The following PALM2AKAP2 variants were observed in gnomAD, a reference collection of about 807,000 sequenced individuals.
PALM2AKAP2 encodes the protein PALM2 and AKAP2 fusion, also known as PALM2-AKAP2 fusion protein.
Under a neutral mutation model 71.5 loss-of-function variants are expected in PALM2AKAP2, and 37 were observed. The ratio of observed to expected loss-of-function variants is 0.52; its 90% CI spans 0.40 to 0.68. The LOEUF (loss-of-function observed/expected upper bound fraction) is 0.68, where lower values mean the gene tolerates loss of function less well. Among genes scored for constraint, PALM2AKAP2 ranks in the 30% least tolerant of loss-of-function variants. The pLI is 0.00. For missense variants in PALM2AKAP2, 1,224 were observed against 1,191.8 expected (o/e 1.03, Z -0.40); for synonymous variants, 468 against 478.8 (o/e 0.98, Z 0.29).
intron 6 of PALM2AKAP2, among the ~76,000 whole-genome samples, chr9:109,980,567 C>T (rs965877893): frequency 1.6e-4 from 24 of 152,184 alleles, no homozygotes; most frequent in African/African-American, 5.1e-4. Context: ...CCTGACTTCT[C>T]GCTAGAAGGA....
intron 1 of PALM2AKAP2, among the ~76,000 whole-genome samples, chr9:110,093,879 T>C (rs1040387450): frequency 2.0e-5 from 3 of 152,250 alleles, no homozygotes; most frequent in Non-Finnish European, 4.4e-5. Flanking sequence ...CTCTCTGGCT[T>C]AAGAATTCCT....
At chr9:109,984,696 C>CTT (rs35425431) in intron 6 of PALM2AKAP2, among the ~76,000 whole-genome samples, 7 of 136,692 alleles carry the variant, frequency 5.1e-5, no homozygotes, top group African/African-American at 1.6e-4. Flanking sequence ...AGCTCTATAA[C>CTT]TTTTTTTTTT....
intron 1 of PALM2AKAP2, among the ~76,000 whole-genome samples, chr9:109,784,572 A>G (rs1370457614): frequency 6.6e-6 from 1 of 152,268 alleles, no homozygotes; most frequent in Admixed American, 6.5e-5. Flanking sequence ...TGAACACTGA[A>G]ATGCTTTTCA....
chr9:109,858,446 G>C (rs1250963896), intron 1 of PALM2AKAP2, among the ~76,000 whole-genome samples: 2 of 152,130 alleles, frequency 1.3e-5, no homozygotes, highest in African/African-American at 4.8e-5. Context: ...AGGAAACTTA[G>C]AGCTAAGCTG....
intron 3 of PALM2AKAP2, among the ~76,000 whole-genome samples, chr9:109,895,455 A>T (rs1830177917): frequency 6.6e-6 from 1 of 152,232 alleles, no homozygotes; most frequent in South Asian, 2.1e-4. Flanking sequence ...CTCTCGGGAC[A>T]TCCTAAGAAT....
chr9:110,168,491 C>T (rs553092735), exon 4 of PALM2AKAP2: 70 of 1,613,904 alleles, frequency 4.3e-5, no homozygotes, highest in Middle Eastern at 1.6e-4. Context: ...AAGAAGACAA[C>T]GAATAAACTT....
At chr9:109,915,301 TA>T (rs1309224592) in intron 3 of PALM2AKAP2, among the ~76,000 whole-genome samples, 1 of 152,140 alleles carries the variant, frequency 6.6e-6, no homozygotes, top group Admixed American at 6.5e-5. Context: ...AGGTGTGAAA[TA>T]ATCGTTGGGT....
intron 1 of PALM2AKAP2, among the ~76,000 whole-genome samples, chr9:109,730,414 G>C (rs927146259): frequency 2.0e-5 from 3 of 152,126 alleles, no homozygotes; most frequent in Admixed American, 1.3e-4. Context: ...AAGTTGGCAG[G>C]GTCCTCCGTG....
At position 109,992,378 on chromosome 9, in the gene PALM2AKAP2, G is replaced by GAGGT. The variant is rs536803879; in HGVS notation, c.497-23574_497-23571dup. On this transcript the variant is annotated intron_variant, in intron 6 of 9. Coordinates refer to the PALM2AKAP2 transcript ENST00000302798. Reference sequence around the variant, plus strand: ...CTATTTCCACATAAGGTCATATTTTGAGGTACTAGGGGTTAAGATTTCAAA... The same window carrying GAGGT: ...CTATTTCCACATAAGGTCATATTTTGAGGTAGGTACTAGGGGTTAAGATTTCAAA... 2.6e-5 allele frequency among the ~76,000 whole-genome samples: 4 copies of GAGGT among 152,254 alleles called. No individual in the cohort carries two copies. The East Asian group carries it at 5.8e-4, about 22-fold the overall frequency.
chr9:110,125,439 C>A, intron 1 of PALM2AKAP2: 1 of 929,926 alleles, frequency 1.1e-6, no homozygotes, highest in Non-Finnish European at 1.3e-6. Context: ...GTGTGAATGG[C>A]CTTTTAGGGA....
intron 1 of PALM2AKAP2, among the ~76,000 whole-genome samples, chr9:109,799,433 G>T (rs1037193600): frequency 6.6e-6 from 1 of 152,194 alleles, no homozygotes; most frequent in Non-Finnish European, 1.5e-5. Flanking sequence ...GCCAGTGCTG[G>T]TACATTCCTC....
chr9:109,838,989 G>A (rs1217711896), intron 1 of PALM2AKAP2, among the ~76,000 whole-genome samples: 2 of 152,132 alleles, frequency 1.3e-5, no homozygotes, highest in Non-Finnish European at 2.9e-5. Flanking sequence ...CTTCTGAAAC[G>A]ATTCCAATGA....
At chr9:110,145,169 G>C (rs1478516135) in intron 2 of PALM2AKAP2, among the ~76,000 whole-genome samples, 1 of 152,038 alleles carries the variant, frequency 6.6e-6, no homozygotes, top group Non-Finnish European at 1.5e-5. Flanking sequence ...CGGTGGCCTG[G>C]GTGTATAAAT....
intron 3 of PALM2AKAP2, among the ~76,000 whole-genome samples, chr9:109,905,577 G>A (rs1830428552): frequency 6.6e-6 from 1 of 152,244 alleles, no homozygotes; most frequent in African/African-American, 2.4e-5. Flanking sequence ...GTTAGATGCT[G>A]ACTCAGTTTC....
At chr9:109,701,104 T>C (rs1385485545) in intron 1 of PALM2AKAP2, among the ~76,000 whole-genome samples, 1 of 152,166 alleles carries the variant, frequency 6.6e-6, no homozygotes, top group African/African-American at 2.4e-5. Flanking sequence ...GTATATATAT[T>C]ATGGATACAG....
At chr9:109,991,514 C>T (rs1206109163) in intron 6 of PALM2AKAP2, among the ~76,000 whole-genome samples, 1 of 152,148 alleles carries the variant, frequency 6.6e-6, no homozygotes, top group Non-Finnish European at 1.5e-5. Context: ...GTAAGGATTA[C>T]AGGCGTGAGC....
chr9:109,851,224 A>T (rs1235777762), intron 1 of PALM2AKAP2, among the ~76,000 whole-genome samples: 1 of 141,516 alleles, frequency 7.1e-6, no homozygotes, highest in African/African-American at 2.8e-5. Flanking sequence ...AAAAAAAAAC[A>T]CTACCTGGTA....
intron 1 of PALM2AKAP2, among the ~76,000 whole-genome samples, chr9:110,051,710 A>T (rs978156644): frequency 6.6e-6 from 1 of 152,194 alleles, no homozygotes; most frequent in Non-Finnish European, 1.5e-5. Context: ...TTTATACATG[A>T]CTCAACGCCA....
At chr9:110,028,823 G>A (rs888469181) in intron 7 of PALM2AKAP2, among the ~76,000 whole-genome samples, 1 of 151,602 alleles carries the variant, frequency 6.6e-6, no homozygotes, top group Admixed American at 6.6e-5. Context: ...TGGGTGTTCT[G>A]TATTTTTATT....
Sources: gnomAD v4.1 joint callset for allele counts (sites outside exome capture counted in the v4.1 genomes callset) on GRCh38, gnomAD v4.1.1 for gene constraint, MANE v1.5 for transcripts, NCBI Gene and HGNC (gene_info 2026-07-23, HGNC 2026-07-21) for gene names.